BUB1: variants seen among roughly 807,000 people sequenced by gnomAD.
BUB1 encodes mitotic checkpoint serine/threonine-protein kinase BUB1.
Under a neutral mutation model 135.2 loss-of-function variants are expected in BUB1, and 84 were observed. The observed-to-expected ratio is 0.62, with a 90% CI of 0.52 to 0.74. The LOEUF is 0.74. Among genes scored for constraint, BUB1 ranks in the 30% least tolerant of loss-of-function variants. BUB1 has a pLI of 0.00. For missense variants in BUB1, 1,162 were observed against 1,288.3 expected, an observed-to-expected ratio of 0.90 and a Z score of 1.50; for synonymous variants, 403 against 434.4, an observed-to-expected ratio of 0.93 and a Z score of 0.90.
At chr2:110,667,322 G>A (rs1290900192) in intron 8 of BUB1, among the ~76,000 whole-genome samples, 199 bp downstream of exon 8, 6 of 152,034 alleles carry the variant, frequency 3.9e-5, no homozygotes, top group Admixed American at 3.9e-4. Flanking sequence ...AAAAAAAAGT[G>A]CAGCTTGCTG....
rs1351796533 is a variant in BUB1 at position 110,658,491 on chromosome 2, T to C, written c.1435A>G (p.Thr479Ala). The part of the protein sequence containing the change: ...GFIMNMFQAP[T>A]LPDISDDKDE... ...TTGTCATCAGAAATATCAGGAAGTG[T>C]AGGAGCCTGAAACATATTCATGATG... is the stretch of plus-strand genomic sequence containing the variant. The change falls in exon 13 of 25, where the codon ACA becomes GCA. Residue 479 changes from threonine to alanine, a missense_variant. By Grantham distance (58) the Thr-to-Ala change is moderately conservative (BLOSUM62 0). Transcript: ENST00000302759. The C allele has an allele frequency of 3.7e-6, 6 of 1,613,936 alleles. No individual in the cohort carries two copies. The South Asian group carries it at 6.6e-5, about 18-fold the overall frequency.
At position 110,655,782 on chromosome 2, in the gene BUB1, G is replaced by A; in HGVS notation, c.1833C>T (p.Phe611=). Residue 611 remains phenylalanine (F), a synonymous_variant, in exon 16 of 25, where the codon TTC becomes TTT. Transcript: ENST00000302759. ...GCACTGACTCCACTGGAAGCTTGTG[G>A]AATGGTGTAGACGCAAGTTGTGCAG... is the stretch of plus-strand genomic sequence containing the variant. ...TSAAQLASTP[F]HKLPVESVHI... 2 of 1,613,932 alleles carry A rather than the reference G, an allele frequency of 1.2e-6. No individual in the cohort carries two copies. Among genetic ancestry groups the A allele is most frequent in the Non-Finnish European group, 1.7e-6 (2 of 1,179,872 alleles).
rs765227031 is a variant in BUB1, at chr2:110,650,681, C to CA, written c.2067dup (p.Glu690Ter). ...CAAGCCTCAACGCCCAACTCTGCCT[C>CA]ACAGGTAAGTACCCCACCTGCAGCA... On this transcript the variant is annotated frameshift_variant, in exon 18 of 25. Coordinates refer to ENST00000302759, the MANE Select transcript of BUB1 (RefSeq NM_004336.5). LOFTEE classifies it high-confidence loss of function. 1 of 1,613,996 alleles carries CA rather than the reference C, an allele frequency of 6.2e-7. No homozygotes were observed. Among genetic ancestry groups the CA allele is most frequent in the African/African-American group, 1.3e-5 (1 of 75,020 alleles).
chr2:110,656,460 A>G (rs1019368811), intron 15 of BUB1, among the ~76,000 whole-genome samples: 4 of 152,164 alleles, frequency 2.6e-5, no homozygotes, highest in African/African-American at 9.7e-5. Context: ...ACTTTTGAAC[A>G]CTAGTCAGAA....
chr2:110,660,103 G>A, intron 10 of BUB1, 67 bp from the exon 11 acceptor site: 1 of 1,366,886 alleles, frequency 7.3e-7, no homozygotes, highest in Non-Finnish European at 1.0e-6. Context: ...GTGCGGTGGT[G>A]GCTCACGCCT....
At chr2:110,641,872 T>A in intron 20 of BUB1, 69 bp from the exon 21 acceptor site, 1 of 1,481,346 alleles carries the variant, frequency 6.8e-7, no homozygotes, top group Non-Finnish European at 9.2e-7. Context: ...TAAAGCAACC[T>A]CTATCCCAAT....
rs781209197 is a variant in BUB1, at chr2:110,678,035, G to C, written c.-40C>G. On this transcript the variant is annotated 5_prime_UTR_variant, in exon 1 of 25. Coordinates refer to ENST00000302759, the MANE Select transcript of BUB1 (RefSeq NM_004336.5). ...GGCCGGCAGCGGCCAAACCTGAACCGCAAACTAGAAGCCGCCGCCGATTCG... is the reference window on the plus strand; with the variant it reads ...GGCCGGCAGCGGCCAAACCTGAACCCCAAACTAGAAGCCGCCGCCGATTCG... The C allele has an allele frequency of 6.3e-7, 1 of 1,583,544 alleles. No individual in the cohort carries two copies. The highest frequency in any genetic ancestry group is 1.4e-5 in the African/African-American group (1 of 73,918).
chr2:110,650,150 C>T (rs1243368015), intron 18 of BUB1, among the ~76,000 whole-genome samples: 3 of 127,876 alleles, frequency 2.3e-5, no homozygotes, highest in African/African-American at 9.3e-5. Flanking sequence ...AGTCCATCTC[C>T]AGACTCTGTG....
At chr2:110,639,588 G>A (rs759919230) in intron 24 of BUB1, among the ~76,000 whole-genome samples, 154 bp downstream of exon 24, 3 of 151,952 alleles carry the variant, frequency 2.0e-5, no homozygotes, top group Non-Finnish European at 4.4e-5. Flanking sequence ...CTTGCTCCCT[G>A]TGCCCAGTGC....
At chr2:110,674,529 A>G (rs1295056420) in intron 1 of BUB1, among the ~76,000 whole-genome samples, 164 bp from the exon 2 acceptor site, 1 of 152,266 alleles carries the variant, frequency 6.6e-6, no homozygotes, top group Non-Finnish European at 1.5e-5. Flanking sequence ...AAAATCTTAA[A>G]TATCGATCCA....
chr2:110,640,740 A>T (rs913085933), intron 23 of BUB1, among the ~76,000 whole-genome samples: 1 of 152,166 alleles, frequency 6.6e-6, no homozygotes, highest in Non-Finnish European at 1.5e-5. Context: ...TCTTTGCTGC[A>T]TGACTTCCTT....
intron 10 of BUB1, 104 bp downstream of exon 10, chr2:110,661,478 C>T (rs1427890088): frequency 7.3e-7 from 1 of 1,367,490 alleles, no homozygotes; most frequent in Non-Finnish European, 9.8e-7. Flanking sequence ...AAAAGGCAGA[C>T]ATCATTCATC....
At chr2:110,639,660 C>CTTT in intron 24 of BUB1, 82 bp downstream of exon 24, 4 of 999,598 alleles carry the variant, frequency 4.0e-6, no homozygotes, top group Non-Finnish European at 4.5e-6. Flanking sequence ...GGCAGAGATC[C>CTTT]TTTTTTTTTT....
chr2:110,644,984 GAAGA>G (rs1228966609), intron 19 of BUB1, among the ~76,000 whole-genome samples: 1 of 152,110 alleles, frequency 6.6e-6, no homozygotes, highest in Non-Finnish European at 1.5e-5. Context: ...ATCAGAGAAG[GAAGA>G]AAGAGAATAG....
intron 10 of BUB1, 143 bp from the exon 11 acceptor site, chr2:110,660,179 C>G: frequency 1.7e-6 from 1 of 579,136 alleles, no homozygotes; most frequent in South Asian, 2.0e-5. Flanking sequence ...CGAGACCAGC[C>G]TGGCCAATAT....
At chr2:110,665,215 T>C (rs1477196708) in intron 9 of BUB1, among the ~76,000 whole-genome samples, 1 of 152,234 alleles carries the variant, frequency 6.6e-6, no homozygotes, top group Non-Finnish European at 1.5e-5. Context: ...CGTTCTATTG[T>C]ATTCATATTT....
chr2:110,673,968 TG>T, intron 3 of BUB1, 117 bp downstream of exon 3: 1 of 845,014 alleles, frequency 1.2e-6, no homozygotes, highest in Admixed American at 2.9e-5. Flanking sequence ...TTTTCCTCTC[TG>T]TATCTTCAGA....
intron 9 of BUB1, among the ~76,000 whole-genome samples, chr2:110,662,168 G>A (rs761469125): frequency 6.6e-6 from 1 of 152,012 alleles, no homozygotes; most frequent in Non-Finnish European, 1.5e-5. Context: ...GGAAAAGGTC[G>A]ACAAATCAGT....
In BUB1 at chr2:110,666,374, AT is replaced by A; in HGVS notation, c.845del (p.Asn282MetfsTer8). 1 of 1,526,530 alleles carries A rather than the reference AT, an allele frequency of 6.6e-7. No individual in the cohort carries two copies. Among genetic ancestry groups the A allele is most frequent in the East Asian group, 2.4e-5 (1 of 41,194 alleles). 94.6% of individuals were successfully genotyped at this position (1,526,530 alleles called of 1,614,324 possible). ...DRHYMKRKEA[N>X]AFEEQLLKQK... is the part of the protein sequence containing the mutation. ...GTTTTAATAGCTGTTCTTCAAAAGC[AT>A]TTGCTTCTTTCCTTTTCATATAATG... On this transcript the variant is annotated frameshift_variant, in exon 9 of 25. Transcript: ENST00000302759. LOFTEE classifies it high-confidence loss of function.
Sources: allele counts gnomAD v4.1 joint callset (sites outside exome capture counted in the v4.1 genomes callset), GRCh38; gene constraint gnomAD v4.1.1; transcripts MANE v1.5; gene names NCBI Gene and HGNC (gene_info 2026-07-23, HGNC 2026-07-21).